BCAS3: variants seen among roughly 807,000 people sequenced by gnomAD.
The protein encoded by BCAS3 is BCAS4/BCAS3 fusion.
Under a neutral mutation model 116.1 loss-of-function variants are expected in BCAS3, and 53 were observed. That is an observed-to-expected ratio of 0.46 (90% CI 0.37 to 0.57). The LOEUF (loss-of-function observed/expected upper bound fraction) is 0.57. Among genes scored for constraint, BCAS3 ranks in the 20% least tolerant of loss-of-function variants. The probability of loss-of-function intolerance (pLI) is 0.00; values close to 1 mark genes in which losing one functional copy is unlikely to be tolerated. For missense variants in BCAS3, 917 were observed against 1,165.4 expected (o/e 0.79, Z 3.10); for synonymous variants, 391 against 408.2 (o/e 0.96, Z 0.51).
Position 61,130,222 on chromosome 17 carries a change from G to A in BCAS3, c.2425+45658G>A, listed in dbSNP as rs562727675. 1.3e-4 allele frequency among the ~76,000 whole-genome samples: 20 copies of A among 152,082 alleles called. No individual in the cohort carries two copies. The highest frequency in any genetic ancestry group is 6.5e-4 in the Admixed American group (10 of 15,276). On this transcript the variant is annotated intron_variant, in intron 22 of 23. Transcript: ENST00000407086. This position sits in a 1 kb window ranked among gnomAD's most constrained non-coding sequence, Gnocchi z 5.0. ...ATTTACTGTAAACACTTTTTTATACGTCTCATGCTTATTAATACTTAATAA... is the reference window on the plus strand; with the variant it reads ...ATTTACTGTAAACACTTTTTTATACATCTCATGCTTATTAATACTTAATAA...
chr17:60,953,156 T>A (rs1235884393), intron 14 of BCAS3, among the ~76,000 whole-genome samples: 1 of 152,148 alleles, frequency 6.6e-6, no homozygotes, highest in East Asian at 1.9e-4. Flanking sequence ...CTGGGTTGAA[T>A]GGCAATTCCG....
rs932910200 is a variant in BCAS3, at chr17:61,007,876, A to C, written c.1487-7875A>C. Among the ~76,000 whole-genome samples the C allele has an allele frequency of 3.9e-5, 6 of 152,078 alleles. No homozygotes were observed. Among genetic ancestry groups the C allele is most frequent in the African/African-American group, 1.2e-4 (5 of 41,414 alleles). ...CAAGTGTTTTTGCTTGAAATGCATC[A>C]AAAATTGCAGTGTTTTTACTTCACC... On this transcript the variant is annotated intron_variant, in intron 15 of 23. Coordinates refer to ENST00000407086, the MANE Select transcript of BCAS3 (RefSeq NM_017679.5). This position sits in a 1 kb window ranked among gnomAD's most constrained non-coding sequence, Gnocchi z 4.3.
At chr17:61,297,894 A>G (rs987464889) in intron 22 of BCAS3, among the ~76,000 whole-genome samples, 1 of 151,752 alleles carries the variant, frequency 6.6e-6, no homozygotes, top group Non-Finnish European at 1.5e-5. Context: ...CGTCCCCTAA[A>G]AAGACTGTTT....
intron 6 of BCAS3, among the ~76,000 whole-genome samples, chr17:60,803,444 C>T (rs1228020881): frequency 3.3e-5 from 5 of 152,182 alleles, no homozygotes; most frequent in Admixed American, 3.3e-4. Context: ...TTCCCCCATG[C>T]ACAACCTTGA....
intron 22 of BCAS3, among the ~76,000 whole-genome samples, chr17:61,299,736 G>A (rs1025627272): frequency 3.9e-5 from 6 of 152,178 alleles, no homozygotes; most frequent in African/African-American, 1.4e-4. Flanking sequence ...AATCCAGGTG[G>A]TAATGAAACT....
intron 6 of BCAS3, among the ~76,000 whole-genome samples, chr17:60,764,081 C>T (rs1468443257): frequency 6.6e-6 from 1 of 151,552 alleles, no homozygotes; most frequent in Non-Finnish European, 1.5e-5. Context: ...TTTGATTCTT[C>T]TCTCTTTTCT....
At chr17:61,070,208 TGAA>T (rs767249578) in intron 19 of BCAS3, 5 of 1,561,818 alleles carry the variant, frequency 3.2e-6, no homozygotes, top group Admixed American at 1.7e-5. Flanking sequence ...AAACAGGCTG[TGAA>T]GAAGCTCTAT....
At chr17:60,978,404 C>G (rs1288822151) in intron 14 of BCAS3, among the ~76,000 whole-genome samples, 4 of 150,842 alleles carry the variant, frequency 2.7e-5, no homozygotes, top group Admixed American at 6.6e-5. Flanking sequence ...GGATATTAGC[C>G]CTTTGTGAGA....
rs2079754251 is a variant in BCAS3 at position 61,186,056 on chromosome 17, G to A, written c.2425+101492G>A. Among the ~76,000 whole-genome samples, 1 of 152,130 alleles carries A rather than the reference G, an allele frequency of 6.6e-6. No individual in the cohort carries two copies. The highest frequency in any genetic ancestry group is 1.9e-4 in the East Asian group (1 of 5,196). Reference sequence around the variant, plus strand: ...AGGAGAGATGTAACATTAGGATGGAGGGTGAAATATAATTTTTATTTTTTT... The same window carrying A: ...AGGAGAGATGTAACATTAGGATGGAAGGTGAAATATAATTTTTATTTTTTT... On this transcript the variant is annotated intron_variant, in intron 22 of 23. Transcript: ENST00000407086. This position sits in a 1 kb window ranked among gnomAD's most constrained non-coding sequence, Gnocchi z 4.9.
intron 22 of BCAS3, among the ~76,000 whole-genome samples, chr17:61,193,289 T>C (rs986371979): frequency 1.3e-5 from 2 of 151,562 alleles, no homozygotes; most frequent in South Asian, 4.2e-4. Flanking sequence ...AAATAAAAAT[T>C]TAAGGACAAA....
chr17:60,929,942 G>A (rs1200508751), intron 13 of BCAS3, among the ~76,000 whole-genome samples: 1 of 151,716 alleles, frequency 6.6e-6, no homozygotes, highest in Non-Finnish European at 1.5e-5. Context: ...GTGTATATGT[G>A]CCACATTTTC....
rs936207699 is a variant in BCAS3, at chr17:61,203,825, CAGTT to C, written c.2425+119262_2425+119265del. On this transcript the variant is annotated intron_variant, in intron 22 of 23. Transcript: ENST00000407086. The surrounding 1 kb of genome is among the most constrained non-coding windows in gnomAD (Gnocchi z 5.7). The stretch of plus-strand genomic sequence containing the variant: ...ATACGAGTGTCCTCTCCTTGGCACT[CAGTT>C]GGGACAGTCAGCACTGCCCCTGCCC... Among the ~76,000 whole-genome samples, 3 of 152,080 alleles carry C rather than the reference CAGTT, an allele frequency of 2.0e-5. No individual in the cohort carries two copies. The highest frequency in any genetic ancestry group is 7.2e-5 in the African/African-American group (3 of 41,412).
chr17:60,834,680 G>A (rs560816443), intron 7 of BCAS3, among the ~76,000 whole-genome samples: 1 of 151,982 alleles, frequency 6.6e-6, no homozygotes, highest in South Asian at 2.1e-4. Context: ...TTTATGAGTT[G>A]AGCTAGACTT....
chr17:61,037,121 A>G lies in BCAS3; in HGVS notation c.1763-768A>G, dbSNP rs889295165. Among the ~76,000 whole-genome samples, 6 of 152,350 alleles carry G rather than the reference A, an allele frequency of 3.9e-5. No individual in the cohort carries two copies. The highest frequency in any genetic ancestry group is 2.1e-4 in the South Asian group (1 of 4,832). Reference sequence around the variant, plus strand: ...ATCCACAAATTTAAGTTCTAAATTTAAGTCTTCTGAGAAAAAAAATAGATG... The same window carrying G: ...ATCCACAAATTTAAGTTCTAAATTTGAGTCTTCTGAGAAAAAAAATAGATG... On this transcript the variant is annotated intron_variant, in intron 17 of 23. Transcript: ENST00000407086. This position sits in a 1 kb window ranked among gnomAD's most constrained non-coding sequence, Gnocchi z 4.7.
Position 61,381,043 on chromosome 17 carries a change from G to A in BCAS3, c.2594-10934G>A, listed in dbSNP as rs1012091124. Among the ~76,000 whole-genome samples, 3 of 152,136 alleles carry A rather than the reference G, an allele frequency of 2.0e-5. No individual in the cohort carries two copies. Among genetic ancestry groups the A allele is most frequent in the East Asian group, 1.9e-4 (1 of 5,194 alleles). On this transcript the variant is annotated intron_variant, in intron 23 of 23. Coordinates refer to ENST00000407086, the MANE Select transcript of BCAS3 (RefSeq NM_017679.5). The surrounding 1 kb of genome is among the most constrained non-coding windows in gnomAD (Gnocchi z 6.0). ...CGACTCCTGGCCACTTGTTGTCTGC[G>A]CTTGTCTGTCCATTTATACAACCTA... is the stretch of plus-strand genomic sequence containing the variant.
chr17:60,825,025 G>T (rs1378530479), intron 7 of BCAS3, among the ~76,000 whole-genome samples: 1 of 152,094 alleles, frequency 6.6e-6, no homozygotes, highest in Non-Finnish European at 1.5e-5. Flanking sequence ...AATGAGCTGG[G>T]TGTGGTGGCA....
rs774315088 is a variant in BCAS3, at chr17:60,679,441, T to C, written c.-5-12T>C. On this transcript the variant is annotated splice_polypyrimidine_tract_variant and intron_variant, in intron 1 of 23. Transcript: ENST00000407086. ...TTTCTGTTTTTTGTTTGTTTGTTTG[T>C]TCTGGAAACAGGTTTTATGAATGAA... 3 of 1,598,360 alleles carry C rather than the reference T, an allele frequency of 1.9e-6. No individual in the cohort carries two copies. Among genetic ancestry groups the C allele is most frequent in the Admixed American group, 1.7e-5 (1 of 59,790 alleles).
rs2050965167 is a variant in BCAS3 at position 61,278,476 on chromosome 17, C to CT, written c.2426-89850dup. Among the ~76,000 whole-genome samples the CT allele has an allele frequency of 6.6e-6, 1 of 152,084 alleles. No individual in the cohort carries two copies. Among genetic ancestry groups the CT allele is most frequent in the Non-Finnish European group, 1.5e-5 (1 of 68,014 alleles). ...AGGTGTGTGCCACCATGCCCAGCCT[C>CT]TATCAACTGTTGGATGGACCTACCC... On this transcript the variant is annotated intron_variant, in intron 22 of 23. Coordinates refer to ENST00000407086, the MANE Select transcript of BCAS3 (RefSeq NM_017679.5). This position sits in a 1 kb window ranked among gnomAD's most constrained non-coding sequence, Gnocchi z 5.8.
At position 61,273,934 on chromosome 17, in the gene BCAS3, C is replaced by T. The variant is rs62069619; in HGVS notation, c.2426-94393C>T. ...CATTCTTTTTTTTTTCCCCCACTGG[C>T]TTAATTTATTTTATTTTATTTTTTA... On this transcript the variant is annotated intron_variant, in intron 22 of 23. Transcript: ENST00000407086. 2.4e-3 allele frequency among the ~76,000 whole-genome samples: 353 copies of T among 149,812 alleles called. 2 individuals carry two copies. Among genetic ancestry groups the T allele is most frequent in the Middle Eastern group, 3.4e-3 (1 of 290 alleles).
Sources: allele counts gnomAD v4.1 joint callset (sites outside exome capture counted in the v4.1 genomes callset), GRCh38; gene constraint gnomAD v4.1.1; non-coding constraint Gnocchi (gnomAD v3.1); transcripts MANE v1.5; gene names NCBI Gene and HGNC (gene_info 2026-07-23, HGNC 2026-07-21).